The following TRAF3 variants were observed in gnomAD, a reference collection of about 807,000 sequenced individuals.
The protein encoded by TRAF3 is TNF receptor-associated factor 3.
TRAF3 carries 13 observed loss-of-function variants against 62.3 expected under a neutral mutation model. That is an observed-to-expected ratio of 0.21 (90% CI 0.14 to 0.33). The LOEUF is 0.33. TRAF3 is among the 10% of genes least tolerant of loss of function. TRAF3 has a pLI of 1.00. For synonymous variants in TRAF3, 269 were observed against 283.4 expected (o/e 0.95, Z 0.51); for missense variants, 440 against 741.8 (o/e 0.59, Z 4.73).
At chr14:102,828,154 G>C (rs1244842994) in intron 1 of TRAF3, among the ~76,000 whole-genome samples, 4 of 152,236 alleles carry the variant, frequency 2.6e-5, no homozygotes. Context: ...GAAGCCTCAG[G>C]TGTTCACAGC....
intron 2 of TRAF3, among the ~76,000 whole-genome samples, chr14:102,845,375 T>G (rs1886638053): frequency 6.6e-6 from 1 of 151,424 alleles, no homozygotes; most frequent in Non-Finnish European, 1.5e-5. Context: ...GCTAATTTTT[T>G]TATTTTTAGT....
rs779404357 is a variant in TRAF3, at chr14:102,870,224, A to G, written c.23A>G (p.Asp8Gly). Residue 8 changes from aspartate (D) to glycine (G), a missense_variant, in exon 3 of 12, where the codon GAC becomes GGC. Around this residue, in one of 6 missense-constraint regions of TRAF3, gnomAD observed 40 missense variants for 38.3 expected, o/e 1.05. Coordinates refer to ENST00000392745, the MANE Select transcript of TRAF3 (RefSeq NM_145725.3). ...AAAATGGAGTCGAGTAAAAAGATGG[A>G]CTCTCCTGGCGCGCTGCAGACTAAC... MESSKKM[D>G]SPGALQTNPP... 2 of 1,613,534 alleles carry G rather than the reference A, an allele frequency of 1.2e-6. No individual in the cohort carries two copies. Among genetic ancestry groups the G allele is most frequent in the South Asian group, 1.1e-5 (1 of 91,050 alleles).
Position 102,903,085 on chromosome 14 carries a change from C to A in TRAF3, c.961-170C>A. 1 of 865,878 alleles carries A rather than the reference C, an allele frequency of 1.2e-6. No homozygotes were observed. Among genetic ancestry groups the A allele is most frequent in the Non-Finnish European group, 1.9e-6 (1 of 528,378 alleles). 53.6% of individuals were successfully genotyped at this position (865,878 alleles called of 1,614,324 possible). A position where few individuals can be genotyped will look rare whatever the true frequency, so the allele number is the denominator to read the frequency against. Reference sequence around the variant, plus strand: ...CAAGCACTTGATCCCAGGGAGCTCCCAGGAGGCCTGATGCAGAGCCCCACT... The same window carrying A: ...CAAGCACTTGATCCCAGGGAGCTCCAAGGAGGCCTGATGCAGAGCCCCACT... On this transcript the variant is annotated intron_variant, in intron 10 of 11. Coordinates refer to ENST00000392745, the MANE Select transcript of TRAF3 (RefSeq NM_145725.3). This position sits in a 1 kb window ranked among gnomAD's most constrained non-coding sequence, Gnocchi z 6.4.
At chr14:102,865,680 G>A (rs550312057) in intron 2 of TRAF3, among the ~76,000 whole-genome samples, 6 of 151,990 alleles carry the variant, frequency 3.9e-5, no homozygotes, top group Non-Finnish European at 5.9e-5. Context: ...TTGTATTTTA[G>A]TAGAGACGGG....
chr14:102,878,585 C>G (rs1888856196), intron 6 of TRAF3, among the ~76,000 whole-genome samples: 1 of 152,108 alleles, frequency 6.6e-6, no homozygotes, highest in African/African-American at 2.4e-5. Context: ...TGAGGCTCCT[C>G]TAGTGGGAAA....
At chr14:102,868,014 G>T (rs1290802703) in intron 2 of TRAF3, among the ~76,000 whole-genome samples, 1 of 152,224 alleles carries the variant, frequency 6.6e-6, no homozygotes, top group Non-Finnish European at 1.5e-5. Flanking sequence ...TCAGCTTCAT[G>T]CAGGCAGCAA....
chr14:102,780,255 C>T (rs1897219787), intron 1 of TRAF3, among the ~76,000 whole-genome samples: 1 of 151,842 alleles, frequency 6.6e-6, no homozygotes, highest in African/African-American at 2.4e-5. Flanking sequence ...ATGTGGTTTG[C>T]ACCACCGCAG....
At chr14:102,819,090 T>C (rs1415656887) in intron 1 of TRAF3, among the ~76,000 whole-genome samples, 5 of 151,566 alleles carry the variant, frequency 3.3e-5, no homozygotes, top group African/African-American at 9.7e-5. Flanking sequence ...AATTAATTAA[T>C]TTAAAAAAAT....
At chr14:102,839,620 C>G (rs911776197) in intron 2 of TRAF3, among the ~76,000 whole-genome samples, 1 of 152,168 alleles carries the variant, frequency 6.6e-6, no homozygotes, top group African/African-American at 2.4e-5. Context: ...TGGCTGTTTT[C>G]GGTCTACCTC....
chr14:102,846,638 T>TTA (rs1555371366), intron 2 of TRAF3, among the ~76,000 whole-genome samples: 2 of 71,786 alleles, frequency 2.8e-5, no homozygotes, highest in Non-Finnish European at 5.0e-5. Flanking sequence ...TCCAGCTTCT[T>TTA]AAAAAAAAAA....
chr14:102,861,410 C>CCCAAGTTCAG (rs1228635997), intron 2 of TRAF3, among the ~76,000 whole-genome samples: 1 of 152,204 alleles, frequency 6.6e-6, no homozygotes, highest in East Asian at 1.9e-4. Context: ...GGGCATCAAA[C>CCCAAGTTCAG]CCAAGTTCAG....
At chr14:102,902,022 T>C (rs1232763052) in intron 10 of TRAF3, among the ~76,000 whole-genome samples, 1 of 152,362 alleles carries the variant, frequency 6.6e-6, no homozygotes, top group South Asian at 2.1e-4. Flanking sequence ...TGGCTTCATC[T>C]CACAGGTGGA....
At chr14:102,842,537 AAGG>A (rs1305054893) in intron 2 of TRAF3, among the ~76,000 whole-genome samples, 1 of 152,112 alleles carries the variant, frequency 6.6e-6, no homozygotes, top group African/African-American at 2.4e-5. Context: ...CTAGTTCCAG[AAGG>A]AGAAGAGGAG....
At chr14:102,884,656 A>G (rs991206819) in intron 6 of TRAF3, among the ~76,000 whole-genome samples, 9 of 152,008 alleles carry the variant, frequency 5.9e-5, no homozygotes, top group Admixed American at 5.9e-4. Context: ...CTAAAAATAC[A>G]AAAAATTAGC....
intron 8 of TRAF3, 22 bp from the exon 9 acceptor site, chr14:102,891,303 C>A: frequency 1.2e-6 from 2 of 1,609,276 alleles, no homozygotes; most frequent in Non-Finnish European, 1.7e-6. Flanking sequence ...TCGCTGAATG[C>A]CTCACATGTT....
At chr14:102,828,193 G>C (rs569828001) in intron 1 of TRAF3, among the ~76,000 whole-genome samples, 2 of 152,216 alleles carry the variant, frequency 1.3e-5, no homozygotes, top group Admixed American at 6.5e-5. Context: ...AAAAATCTTC[G>C]TGATTGGAAA....
chr14:102,906,851 A>G lies in TRAF3; in HGVS notation c.*1067A>G, dbSNP rs144980713. The G allele has an allele frequency of 2.7e-3, 417 of 152,344 alleles. 7 individuals are homozygous for G. Among genetic ancestry groups the G allele is most frequent in the East Asian group, 3.1e-3 (16 of 5,190 alleles). 9.4% of individuals were successfully genotyped at this position (152,344 alleles called of 1,614,324 possible). A position where few individuals can be genotyped will look rare whatever the true frequency, so the allele number is the denominator to read the frequency against. On this transcript the variant is annotated 3_prime_UTR_variant, in exon 12 of 12. Coordinates refer to ENST00000392745, the MANE Select transcript of TRAF3 (RefSeq NM_145725.3). ...CCCGTCATCTTGCTGCATGCCGTCA[A>G]CGGTCTCCGAAAGCAACGTTGTGCG...
At chr14:102,816,597 A>T (rs1490276161) in intron 1 of TRAF3, among the ~76,000 whole-genome samples, 1 of 152,210 alleles carries the variant, frequency 6.6e-6, no homozygotes, top group African/African-American at 2.4e-5. Context: ...TAGGAGATTT[A>T]AAATTATTTT....
At position 102,777,961 on chromosome 14, in the gene TRAF3, C is replaced by T. The variant is rs1445104428; in HGVS notation, c.-157+286C>T. Among the ~76,000 whole-genome samples the T allele has an allele frequency of 5.3e-5, 8 of 150,490 alleles. No individual in the cohort carries two copies. The East Asian group carries it at 1.4e-3, about 26-fold the overall frequency. ...GCCCGAGGGGGCCGGGGCGCCCGCA[C>T]CTTTTCAGGAAACGGGGCGCGCAGG... On this transcript the variant is annotated intron_variant, in intron 1 of 11. Transcript: ENST00000392745.
Sources: gnomAD v4.1 joint callset for allele counts (sites outside exome capture counted in the v4.1 genomes callset) on GRCh38, gnomAD v4.1.1 for gene constraint, gnomAD v4.1.1 regional missense constraint, Gnocchi (gnomAD v3.1) non-coding constraint, MANE v1.5 for transcripts, NCBI Gene and HGNC (gene_info 2026-07-23, HGNC 2026-07-21) for gene names.